The following CHODL variants were observed in gnomAD, a reference collection of about 807,000 sequenced individuals.
The protein encoded by CHODL is chondrolectin.
CHODL carries 29 observed loss-of-function variants against 34.5 expected under a neutral mutation model. That is an observed-to-expected ratio of 0.84 (90% CI 0.63 to 1.15). The LOEUF (loss-of-function observed/expected upper bound fraction) is 1.15. CHODL is among the 50% of genes most tolerant of loss of function. The pLI is 0.00. For missense variants in CHODL, 332 were observed against 332.5 expected (o/e 1.00, Z 0.01); for synonymous variants, 125 against 116.1 (o/e 1.08, Z -0.49).
Position 18,006,282 on chromosome 21 carries a change from G to A in CHODL, c.-144-21590G>A, listed in dbSNP as rs1350150932. On this transcript the variant is annotated intron_variant, in intron 1 of 6. Coordinates refer to the CHODL transcript ENST00000400127. ...GGGCTTAATACCAAGATGATGGGTT[G>A]ATAGGTGCAGCAAACCACCATTGCA... Among the ~76,000 whole-genome samples the A allele has an allele frequency of 4.0e-5, 6 of 151,646 alleles. No homozygotes were observed. The South Asian group carries it at 1.0e-3, about 26-fold the overall frequency.
intron 2 of CHODL, among the ~76,000 whole-genome samples, chr21:18,041,366 C>T (rs1171915559): frequency 6.6e-6 from 1 of 151,716 alleles, no homozygotes; most frequent in Admixed American, 6.6e-5. Context: ...TAACTATGCC[C>T]ATGTCAAAAT....
At chr21:17,983,444 A>G (rs753290672) in intron 1 of CHODL, among the ~76,000 whole-genome samples, 41 of 152,306 alleles carry the variant, frequency 2.7e-4, no homozygotes, top group Middle Eastern at 3.4e-3. Context: ...TGTTAAGTAA[A>G]AATTGTATAC....
intron 2 of CHODL, among the ~76,000 whole-genome samples, chr21:18,044,376 GA>G (rs1395029612): frequency 6.6e-6 from 1 of 151,962 alleles, no homozygotes; most frequent in Non-Finnish European, 1.5e-5. Flanking sequence ...CAGTTAGGAA[GA>G]GATTAAATAG....
intron 2 of CHODL, among the ~76,000 whole-genome samples, chr21:18,079,281 G>T (rs1421505549): frequency 6.6e-6 from 1 of 151,262 alleles, no homozygotes; most frequent in Non-Finnish European, 1.5e-5. Context: ...TTCCAACTTT[G>T]TTGCTGCAAA....
chr21:18,052,678 GT>G (rs1479700063), intron 2 of CHODL, among the ~76,000 whole-genome samples: 1 of 151,918 alleles, frequency 6.6e-6, no homozygotes, highest in African/African-American at 2.4e-5. Context: ...CATCTTTTGA[GT>G]AGTACTGACA....
chr21:18,168,460 G>A (rs886256953), intron 2 of CHODL, among the ~76,000 whole-genome samples: 3 of 152,088 alleles, frequency 2.0e-5, no homozygotes, highest in Non-Finnish European at 4.4e-5. Context: ...TTTTGTTTTA[G>A]CCATTCTAGT....
rs551817997 is a variant in CHODL, at chr21:17,990,985, A to G, written c.-144-36887A>G. On this transcript the variant is annotated intron_variant, in intron 1 of 6. Coordinates refer to the CHODL transcript ENST00000400127. ...CCTTCCACCTTTTTTCCGAGGCTCA[A>G]GTAACCATTGTCTAACTCTCTCCCT... is the stretch of plus-strand genomic sequence containing the variant. Among the ~76,000 whole-genome samples, 8 of 152,210 alleles carry G rather than the reference A, an allele frequency of 5.3e-5. No homozygotes were observed. The South Asian group carries it at 1.4e-3, about 28-fold the overall frequency.
At chr21:18,194,756 C>T (rs1037830799) in intron 2 of CHODL, among the ~76,000 whole-genome samples, 7 of 151,980 alleles carry the variant, frequency 4.6e-5, no homozygotes, top group East Asian at 1.9e-4. Flanking sequence ...TATCATTTTT[C>T]GTTGTGGGAA....
intron 2 of CHODL, among the ~76,000 whole-genome samples, chr21:18,193,023 A>G (rs751820648): frequency 2.0e-5 from 3 of 152,194 alleles, no homozygotes; most frequent in Non-Finnish European, 4.4e-5. Context: ...GTATAGTAGC[A>G]AATTGTGGTG....
chr21:18,021,901 C>T (rs2064131272), intron 1 of CHODL, among the ~76,000 whole-genome samples: 1 of 152,146 alleles, frequency 6.6e-6, no homozygotes, highest in Non-Finnish European at 1.5e-5. Context: ...TGTGTCCTCT[C>T]CACCTTAAAT....
intron 2 of CHODL, among the ~76,000 whole-genome samples, chr21:18,124,301 G>A (rs1400052777): frequency 6.6e-6 from 1 of 152,142 alleles, no homozygotes; most frequent in African/African-American, 2.4e-5. Context: ...TGGGTGAATA[G>A]GAGGTGATTA....
At chr21:17,985,456 G>A (rs2063746080) in intron 1 of CHODL, among the ~76,000 whole-genome samples, 3 of 152,200 alleles carry the variant, frequency 2.0e-5, no homozygotes, top group Non-Finnish European at 2.9e-5. Context: ...TTAATTGGAA[G>A]TTGTCATAGA....
At chr21:18,080,050 C>G (rs994048193) in intron 2 of CHODL, among the ~76,000 whole-genome samples, 28 of 152,050 alleles carry the variant, frequency 1.8e-4, no homozygotes, top group African/African-American at 6.5e-4. Context: ...AAGATGGTAT[C>G]TCTTGTGGTT....
In CHODL at chr21:18,256,492, C is replaced by CTTTT. The variant is rs200762308; in HGVS notation, c.80-7_80-4dup. The CTTTT allele has an allele frequency of 7.4e-6, 10 of 1,344,736 alleles. No individual in the cohort carries two copies. Among genetic ancestry groups the CTTTT allele is most frequent in the East Asian group, 4.9e-5 (2 of 40,988 alleles). 83.3% of individuals were successfully genotyped at this position (1,344,736 alleles called of 1,614,324 possible). ...GTTCCGATTATCAATATATGGGCAT[C>CTTTT]TTTTTTTTTTTTTCAGGCCAAAAGG... On this transcript the variant is annotated splice_polypyrimidine_tract_variant and intron_variant, in intron 1 of 5. Coordinates refer to ENST00000299295, the MANE Select transcript of CHODL (RefSeq NM_024944.3).
chr21:18,182,619 A>G (rs1333058890), intron 2 of CHODL, among the ~76,000 whole-genome samples: 1 of 152,216 alleles, frequency 6.6e-6, no homozygotes, highest in Non-Finnish European at 1.5e-5. Context: ...ATAGTTTAAT[A>G]AAGCCTAATA....
At chr21:18,231,448 A>G (rs77366866) in intron 2 of CHODL, among the ~76,000 whole-genome samples, 1,961 of 152,178 alleles carry the variant, frequency 0.013, 42 homozygotes, top group African/African-American at 0.043. Context: ...CTCTTTTCCA[A>G]CTATAACTTC....
Position 18,113,903 on chromosome 21 carries a change from A to G in CHODL, c.-45+85932A>G, listed in dbSNP as rs535241947. Among the ~76,000 whole-genome samples, 11 of 152,354 alleles carry G rather than the reference A, an allele frequency of 7.2e-5. No individual in the cohort carries two copies. The East Asian group carries it at 2.1e-3, about 29-fold the overall frequency. On this transcript the variant is annotated intron_variant, in intron 2 of 6. Coordinates refer to the CHODL transcript ENST00000400127. ...TTGGAAGCAACCTAAGTGTCCATCA[A>G]CAGATGACTAGATAAACAAAATGTG...
chr21:17,965,441 A>G (rs577140987), intron 1 of CHODL, among the ~76,000 whole-genome samples: 1 of 151,362 alleles, frequency 6.6e-6, no homozygotes, highest in South Asian at 2.1e-4. Context: ...CATTCCTTCC[A>G]TCCTCCTCCT....
At chr21:17,993,442 TCTCA>T in intron 1 of CHODL, among the ~76,000 whole-genome samples, 1 of 152,304 alleles carries the variant, frequency 6.6e-6, no homozygotes, top group East Asian at 1.9e-4. Context: ...ATCAATTAGC[TCTCA>T]CTTGTAAGTG....
Sources: gnomAD v4.1 joint callset for allele counts (sites outside exome capture counted in the v4.1 genomes callset) on GRCh38, gnomAD v4.1.1 for gene constraint, MANE v1.5 for transcripts, NCBI Gene and HGNC (gene_info 2026-07-23, HGNC 2026-07-21) for gene names.